Variants in CFAP61 observed in about 807,000 individuals in gnomAD.
The protein encoded by CFAP61 is cilia- and flagella-associated protein 61.
Under a neutral mutation model 135.6 loss-of-function variants are expected in CFAP61, and 107 were observed. The ratio of observed to expected loss-of-function variants is 0.79; its 90% CI spans 0.67 to 0.93. The LOEUF (loss-of-function observed/expected upper bound fraction) is 0.93. Ranked by LOEUF, CFAP61 falls within the 40% of genes least tolerant of loss-of-function variation. The pLI, the probability that CFAP61 is intolerant of heterozygous loss-of-function variation, is 0.00. For synonymous variants in CFAP61, 575 were observed against 578.5 expected (o/e 0.99, Z 0.09); for missense variants, 1,507 against 1,556.2 (o/e 0.97, Z 0.53).
Position 20,355,985 on chromosome 20 carries a change from A to ATGT in CFAP61, c.3514-4225_3514-4224insTGT, listed in dbSNP as rs1569331864. Reference sequence around the variant, plus strand: ...GGGGAGGTGATCACACTGTGAGGGGACGTCACACTGTGAGGGGAGGTGGTC... The same window carrying ATGT: ...GGGGAGGTGATCACACTGTGAGGGGATGTCGTCACACTGTGAGGGGAGGTGGTC... On this transcript the variant is annotated intron_variant, in intron 26 of 26. Transcript: ENST00000245957. 1.0e-3 allele frequency among the ~76,000 whole-genome samples: 7 copies of ATGT among 6,866 alleles called. 2 individuals are homozygous for ATGT. The highest frequency in any genetic ancestry group is 0.1 in the South Asian group (2 of 20). The allele number at this position is 6,866 out of a possible 152,430, so 4.5% of individuals were successfully genotyped here.
rs188577755 is a variant in CFAP61 at position 20,297,033 on chromosome 20, C to G, written c.3217-1148C>G. The stretch of plus-strand genomic sequence containing the variant: ...AACCCCACTTGCTCCTCCCTCACCC[C>G]CAAATGCCCAATCTCTCACACACGC... On this transcript the variant is annotated intron_variant, in intron 24 of 26. Coordinates refer to ENST00000245957, the MANE Select transcript of CFAP61 (RefSeq NM_015585.4). Among the ~76,000 whole-genome samples, 290 of 152,220 alleles carry G rather than the reference C, an allele frequency of 1.9e-3. 7 individuals carry two copies. The East Asian group carries it at 0.047, about 25-fold the overall frequency.
intron 7 of CFAP61, among the ~76,000 whole-genome samples, chr20:20,098,248 C>T (rs1444084596): frequency 2.0e-5 from 3 of 152,172 alleles, no homozygotes; most frequent in Non-Finnish European, 2.9e-5. Flanking sequence ...TGCCAAACCA[C>T]CAGCCGACCA....
At chr20:20,285,079 A>AT (rs1041115837) in intron 22 of CFAP61, among the ~76,000 whole-genome samples, 2 of 152,114 alleles carry the variant, frequency 1.3e-5, no homozygotes, top group African/African-American at 4.8e-5. Context: ...CTTATAGGTT[A>AT]TTTTTTCCCA....
At chr20:20,152,296 A>G (rs1226852648) in intron 9 of CFAP61, among the ~76,000 whole-genome samples, 1 of 152,156 alleles carries the variant, frequency 6.6e-6, no homozygotes, top group Non-Finnish European at 1.5e-5. Context: ...CTATAAAACA[A>G]TAACACAATG....
intron 26 of CFAP61, among the ~76,000 whole-genome samples, chr20:20,353,897 T>G (rs1305313391): frequency 6.6e-6 from 1 of 152,212 alleles, no homozygotes; most frequent in Admixed American, 6.5e-5. Flanking sequence ...GTTCAGCCAT[T>G]TTGGAAAACA....
Position 20,290,346 on chromosome 20 carries a change from T to G in CFAP61, c.3171T>G (p.Pro1057=). ...ACCATTATCTGCATATTGCCAAGCC[T>G]GCCATTCCAACTCCCTTGGAGGTAC... ...GSYHYLHIAK[P]AIPTPLEVQM... Residue 1057 remains proline, a synonymous_variant, in exon 24 of 27, where the codon CCT becomes CCG. Transcript: ENST00000245957. The G allele has an allele frequency of 6.2e-7, 1 of 1,613,636 alleles. No homozygotes were observed. Among genetic ancestry groups the G allele is most frequent in the Non-Finnish European group, 8.5e-7 (1 of 1,179,472 alleles).
At chr20:20,285,372 G>A (rs549962264) in intron 22 of CFAP61, among the ~76,000 whole-genome samples, 1 of 150,962 alleles carries the variant, frequency 6.6e-6, no homozygotes. Context: ...ACAAGTTATT[G>A]GCCATTCTTT....
chr20:20,308,220 G>A (rs1927335), intron 25 of CFAP61, among the ~76,000 whole-genome samples: 70,395 of 151,954 alleles, frequency 0.46, 17,330 homozygotes, highest in Middle Eastern at 0.58. Context: ...TGGAGTGGGC[G>A]TGTTGGATGT....
chr20:20,204,277 T>C (rs1002289562), intron 17 of CFAP61, among the ~76,000 whole-genome samples: 5 of 152,216 alleles, frequency 3.3e-5, no homozygotes, highest in African/African-American at 4.8e-5. Flanking sequence ...TCTCAACTAA[T>C]GAATTCTTTG....
chr20:20,246,792 C>G (rs972978725), intron 19 of CFAP61, among the ~76,000 whole-genome samples: 1 of 152,180 alleles, frequency 6.6e-6, no homozygotes, highest in Non-Finnish European at 1.5e-5. Flanking sequence ...CCTCTAGAAA[C>G]AAGCTCCTAA....
intron 6 of CFAP61, among the ~76,000 whole-genome samples, chr20:20,089,620 C>A (rs1348969904): frequency 6.6e-6 from 1 of 150,964 alleles, no homozygotes; most frequent in African/African-American, 2.4e-5. Flanking sequence ...TAAGAACATC[C>A]CACACAGGTA....
chr20:20,323,342 C>T, intron 25 of CFAP61: 16 of 980,382 alleles, frequency 1.6e-5, no homozygotes, highest in Non-Finnish European at 1.9e-5. Context: ...CAGTCCCCTA[C>T]TTTCAAACAC....
chr20:20,353,271 A>T (rs182322054), intron 26 of CFAP61, among the ~76,000 whole-genome samples: 1 of 152,258 alleles, frequency 6.6e-6, no homozygotes, highest in African/African-American at 2.4e-5. Context: ...ACAAAACACT[A>T]TGCTAAGTGA....
chr20:20,138,076 T>C (rs1182678200), intron 8 of CFAP61, among the ~76,000 whole-genome samples: 1 of 151,982 alleles, frequency 6.6e-6, no homozygotes, highest in Non-Finnish European at 1.5e-5. Flanking sequence ...ATAGGGACCT[T>C]GTGACTCTGC....
intron 6 of CFAP61, among the ~76,000 whole-genome samples, chr20:20,086,247 T>C (rs944818584): frequency 6.6e-6 from 1 of 151,320 alleles, no homozygotes; most frequent in African/African-American, 2.4e-5. Context: ...ACATGTGCCA[T>C]ACTGGTGTGC....
chr20:20,335,475 T>C (rs1023086973), intron 25 of CFAP61, among the ~76,000 whole-genome samples: 1 of 152,172 alleles, frequency 6.6e-6, no homozygotes, highest in African/African-American at 2.4e-5. Flanking sequence ...TATGGCCAAC[T>C]ATTGGCCAAT....
intron 13 of CFAP61, among the ~76,000 whole-genome samples, chr20:20,179,797 A>G (rs1398379955): frequency 2.0e-5 from 3 of 152,206 alleles, no homozygotes; most frequent in Non-Finnish European, 4.4e-5. Flanking sequence ...TATTCAATAA[A>G]TCGTGCTGGG....
intron 13 of CFAP61, among the ~76,000 whole-genome samples, chr20:20,177,772 G>T (rs1479924159): frequency 1.4e-5 from 2 of 144,068 alleles, no homozygotes; most frequent in African/African-American, 2.6e-5. Context: ...AGTATAGCAG[G>T]TGTGGAGAGG....
intron 26 of CFAP61, among the ~76,000 whole-genome samples, chr20:20,348,260 G>T (rs1286180725): frequency 6.6e-6 from 1 of 152,062 alleles, no homozygotes; most frequent in Non-Finnish European, 1.5e-5. Context: ...AGCAAAAATA[G>T]CCAGCAGATT....
Sources: allele counts gnomAD v4.1 joint callset (sites outside exome capture counted in the v4.1 genomes callset), GRCh38; gene constraint gnomAD v4.1.1; transcripts MANE v1.5; gene names NCBI Gene and HGNC (gene_info 2026-07-23, HGNC 2026-07-21).